The following FAM184B variants were observed in gnomAD, a reference collection of about 807,000 sequenced individuals.
FAM184B encodes the protein family with sequence similarity 184 member B.
In FAM184B, 111 loss-of-function variants were observed where a neutral mutation model predicts 135.9. The ratio of observed to expected loss-of-function variants is 0.82; its 90% CI spans 0.70 to 0.96. FAM184B has a LOEUF of 0.96. Among genes scored for constraint, FAM184B ranks in the 40% least tolerant of loss-of-function variants. The pLI is 0.00. For synonymous variants in FAM184B, 552 were observed against 524.8 expected (o/e 1.05, Z -0.71); for missense variants, 1,375 against 1,323.9 (o/e 1.04, Z -0.60).
rs189809580 is a variant in FAM184B at position 17,632,650 on chromosome 4, A to G, written c.3090-25T>C. ...CCTAAAAGCAAAAAAAGGTTTTTTT[A>G]TATGGTTTTGAAAACTATGCAAGAA... On this transcript the variant is annotated intron_variant, in intron 17 of 17. Coordinates refer to ENST00000265018, the MANE Select transcript of FAM184B (RefSeq NM_015688.2). 1.7e-4 allele frequency: 252 copies of G among 1,480,396 alleles called. 4 individuals carry two copies. In the Middle Eastern group the frequency reaches 2.1e-3, roughly 12 times the overall value. The allele number at this position is 1,480,396 out of a possible 1,614,324, so 91.7% of individuals were successfully genotyped here.
chr4:17,656,682 G>A (rs780979569), intron 10 of FAM184B, among the ~76,000 whole-genome samples: 1 of 152,156 alleles, frequency 6.6e-6, no homozygotes, highest in African/African-American at 2.4e-5. Context: ...CATTACAGGC[G>A]TGAGCCACAA....
At chr4:17,657,120 C>T (rs1472436363) in intron 10 of FAM184B, among the ~76,000 whole-genome samples, 1 of 152,114 alleles carries the variant, frequency 6.6e-6, no homozygotes, top group Non-Finnish European at 1.5e-5. Context: ...GAACTTCTGC[C>T]TCATGCAGCT....
At position 17,658,449 on chromosome 4, in the gene FAM184B, C is replaced by T; in HGVS notation, c.1938G>A (p.Gln646=). 2.6e-6 allele frequency: 4 copies of T among 1,551,594 alleles called. No individual in the cohort carries two copies. Among genetic ancestry groups the T allele is most frequent in the Non-Finnish European group, 3.5e-6 (4 of 1,146,964 alleles). The part of the protein sequence containing the change: ...LEREKLQREL[Q]ETTQQNHAMK... The stretch of plus-strand genomic sequence containing the variant: ...TGGCGTGGTTCTGCTGAGTGGTCTC[C>T]TGGAGCTCACGCTGCAGCTTCTCCC... Residue 646 remains glutamine (Q), a synonymous_variant, in exon 10 of 18, where the codon CAG becomes CAA. Coordinates refer to ENST00000265018, the MANE Select transcript of FAM184B (RefSeq NM_015688.2).
chr4:17,691,409 G>C (rs1371227177), intron 6 of FAM184B, among the ~76,000 whole-genome samples: 1 of 152,158 alleles, frequency 6.6e-6, no homozygotes, highest in African/African-American at 2.4e-5. Flanking sequence ...CTCTGGGCTG[G>C]GCACGGTGGC....
At chr4:17,754,289 C>T (rs761371839) in intron 1 of FAM184B, among the ~76,000 whole-genome samples, 9 of 152,056 alleles carry the variant, frequency 5.9e-5, no homozygotes, top group East Asian at 5.8e-4. Flanking sequence ...CAGTGACCCG[C>T]GCCTGTAATC....
chr4:17,723,564 A>C (rs958740158), intron 1 of FAM184B, among the ~76,000 whole-genome samples: 4 of 152,182 alleles, frequency 2.6e-5, no homozygotes, highest in Non-Finnish European at 5.9e-5. Context: ...GAAGGGCCAC[A>C]CTGGGTCAAG....
intron 15 of FAM184B, among the ~76,000 whole-genome samples, chr4:17,635,458 G>A (rs1423080938): frequency 6.6e-6 from 1 of 152,114 alleles, no homozygotes; most frequent in Non-Finnish European, 1.5e-5. Context: ...TTCTTCCTCT[G>A]TCTTGTTTGA....
chr4:17,654,265 G>T (rs1389064174), intron 10 of FAM184B, among the ~76,000 whole-genome samples: 1 of 151,494 alleles, frequency 6.6e-6, no homozygotes, highest in Non-Finnish European at 1.5e-5. Context: ...GGAAATGAGA[G>T]ATGGGCATTG....
chr4:17,652,925 GTCTGGTGTTGGA>G lies in FAM184B; in HGVS notation c.2084_2095del (p.Ile695_Gln698del). ...CAAGGCCTGGAGCTCCAGTCGGTGT[GTCTGGTGTTGGA>G]TCTGGAGGCTGTGGCTGGATTCCTT... On this transcript the variant is annotated inframe_deletion, in exon 11 of 18. Transcript: ENST00000265018. The G allele has an allele frequency of 6.4e-7, 1 of 1,551,734 alleles. No homozygotes were observed. The highest frequency in any genetic ancestry group is 1.7e-4 in the Middle Eastern group (1 of 5,992).
intron 1 of FAM184B, among the ~76,000 whole-genome samples, chr4:17,770,961 C>T (rs1460608352): frequency 1.3e-5 from 2 of 152,194 alleles, no homozygotes; most frequent in African/African-American, 4.8e-5. Flanking sequence ...CATAAAGAAA[C>T]CTTGCATCTG....
chr4:17,744,612 C>A (rs1219559025), intron 1 of FAM184B, among the ~76,000 whole-genome samples: 1 of 151,510 alleles, frequency 6.6e-6, no homozygotes, highest in Non-Finnish European at 1.5e-5. Context: ...CCCAGCTATT[C>A]AGGAGGCTGA....
At chr4:17,768,619 GT>G (rs961872282) in intron 1 of FAM184B, among the ~76,000 whole-genome samples, 1 of 151,978 alleles carries the variant, frequency 6.6e-6, no homozygotes, top group African/African-American at 2.4e-5. Flanking sequence ...GTATGTGTTA[GT>G]TTTTTTCTTT....
In FAM184B at chr4:17,748,505, ATTTTTTTTTTTT is replaced by A. The variant is rs34998803; in HGVS notation, c.141+32642_141+32653del. ...TCCCTTACTTTAATCCTCTTGTGTA[ATTTTTTTTTTTT>A]TTTTTTTTTTTTTTTAGACAATGTC... On this transcript the variant is annotated intron_variant, in intron 1 of 17. Coordinates refer to ENST00000265018, the MANE Select transcript of FAM184B (RefSeq NM_015688.2). Among the ~76,000 whole-genome samples, 41 of 98,566 alleles carry A rather than the reference ATTTTTTTTTTTT, an allele frequency of 4.2e-4. No homozygotes were observed. The East Asian group carries it at 9.9e-3, about 24-fold the overall frequency. 64.7% of individuals were successfully genotyped at this position (98,566 alleles called of 152,430 possible). A position where few individuals can be genotyped will look rare whatever the true frequency, so the allele number is the denominator to read the frequency against.
chr4:17,659,804 A>G (rs532924238), intron 9 of FAM184B, among the ~76,000 whole-genome samples, 154 bp downstream of exon 9: 10 of 152,276 alleles, frequency 6.6e-5, no homozygotes, highest in Admixed American at 6.5e-4. Context: ...TTTGGAATGA[A>G]TGAATAAATA....
At chr4:17,733,531 C>A (rs1717835298) in intron 1 of FAM184B, among the ~76,000 whole-genome samples, 1 of 152,142 alleles carries the variant, frequency 6.6e-6, no homozygotes, top group Non-Finnish European at 1.5e-5. Flanking sequence ...CATTCTTATA[C>A]ACCAGTAACA....
At chr4:17,773,293 G>C (rs1056499486) in intron 1 of FAM184B, among the ~76,000 whole-genome samples, 1 of 152,184 alleles carries the variant, frequency 6.6e-6, no homozygotes, top group Non-Finnish European at 1.5e-5. Flanking sequence ...AGAATCGTAA[G>C]GTGTTCCTAA....
intron 12 of FAM184B, among the ~76,000 whole-genome samples, chr4:17,642,463 A>T (rs1236214904): frequency 2.0e-5 from 3 of 152,076 alleles, no homozygotes; most frequent in Admixed American, 2.0e-4. Context: ...CTGAGCTAAG[A>T]ATGGGTCTTG....
intron 11 of FAM184B, among the ~76,000 whole-genome samples, chr4:17,651,951 A>G (rs912166247): frequency 3.3e-5 from 5 of 152,070 alleles, no homozygotes; most frequent in Non-Finnish European, 7.4e-5. Flanking sequence ...CTGGAGGCCT[A>G]AGATCCTCCA....
chr4:17,688,673 G>C, intron 6 of FAM184B, 142 bp from the exon 7 acceptor site: 14 of 206,736 alleles, frequency 6.8e-5, no homozygotes, highest in East Asian at 5.0e-4. Context: ...CACACTTCTA[G>C]AAATGCCTTT....
Sources: gnomAD v4.1 joint callset for allele counts (sites outside exome capture counted in the v4.1 genomes callset) on GRCh38, gnomAD v4.1.1 for gene constraint, MANE v1.5 for transcripts, NCBI Gene and HGNC (gene_info 2026-07-23, HGNC 2026-07-21) for gene names.